The following IQCM variants were observed in gnomAD, a reference collection of about 807,000 sequenced individuals.
The protein encoded by IQCM is IQ motif containing M.
A neutral mutation model predicts 57.6 loss-of-function variants in IQCM; 45 were observed. The observed-to-expected ratio is 0.78, with a 90% confidence interval of 0.62 to 1.00. The LOEUF is 1.00. Ranked by LOEUF, IQCM falls within the 50% of genes least tolerant of loss-of-function variation. The probability of loss-of-function intolerance (pLI) is 0.00; values close to 1 mark genes in which losing one functional copy is unlikely to be tolerated. For missense variants in IQCM, 468 were observed against 511.6 expected (o/e 0.91, Z 0.82); for synonymous variants, 148 against 158.9 (o/e 0.93, Z 0.51).
intron 9 of IQCM, among the ~76,000 whole-genome samples, chr4:149,577,415 G>A (rs1751761452): frequency 6.6e-6 from 1 of 151,806 alleles, no homozygotes; most frequent in African/African-American, 2.4e-5. Flanking sequence ...TGTATATAAT[G>A]AAAGGAATGA....
chr4:149,815,119 T>C (rs1774929810), intron 2 of IQCM, among the ~76,000 whole-genome samples, 192 bp downstream of exon 2: 1 of 151,964 alleles, frequency 6.6e-6, no homozygotes, highest in South Asian at 2.1e-4. Flanking sequence ...TATATTTAAT[T>C]TGGCAAAATC....
chr4:149,441,385 C>G (rs1204007669), intron 12 of IQCM, among the ~76,000 whole-genome samples: 1 of 152,034 alleles, frequency 6.6e-6, no homozygotes, highest in African/African-American at 2.4e-5. Flanking sequence ...TAAGCAATTC[C>G]TATTCAAAAT....
intron 13 of IQCM, among the ~76,000 whole-genome samples, chr4:149,428,147 G>A (rs1424786132): frequency 6.6e-6 from 1 of 151,598 alleles, no homozygotes; most frequent in Non-Finnish European, 1.5e-5. Context: ...TCAAAATTAA[G>A]CTTAGTTTTT....
intron 12 of IQCM, among the ~76,000 whole-genome samples, chr4:149,470,069 C>T (rs1407066060): frequency 8.5e-5 from 13 of 152,068 alleles, no homozygotes; most frequent in South Asian, 6.2e-4. Flanking sequence ...CATCAACTAA[C>T]GAGCAAAATA....
intron 13 of IQCM, among the ~76,000 whole-genome samples, chr4:149,368,955 TAC>T (rs1730126788): frequency 1.2e-5 from 1 of 84,478 alleles, no homozygotes; most frequent in South Asian, 3.3e-4. Flanking sequence ...TGTATATATA[TAC>T]ACGTGTATAT....
At chr4:149,561,748 T>C (rs2149932688) in intron 10 of IQCM, among the ~76,000 whole-genome samples, 1 of 152,292 alleles carries the variant, frequency 6.6e-6, no homozygotes, top group East Asian at 1.9e-4. Flanking sequence ...TCTGTGGTGC[T>C]ATGAATAGAA....
intron 12 of IQCM, among the ~76,000 whole-genome samples, chr4:149,505,971 T>G (rs1743772929): frequency 6.6e-6 from 1 of 152,238 alleles, no homozygotes; most frequent in Admixed American, 6.5e-5. Flanking sequence ...CTGGATACAT[T>G]TTTACAAGGC....
intron 8 of IQCM, among the ~76,000 whole-genome samples, chr4:149,602,174 A>T (rs1190328463): frequency 2.0e-5 from 3 of 152,174 alleles, no homozygotes; most frequent in Non-Finnish European, 4.4e-5. Context: ...ATTATGTATT[A>T]TAAGTAAGCT....
chr4:149,437,018 A>G (rs977694127), intron 12 of IQCM, among the ~76,000 whole-genome samples: 4 of 152,102 alleles, frequency 2.6e-5, no homozygotes, highest in Non-Finnish European at 4.4e-5. Context: ...ATCACAGCTC[A>G]AGATACTGAA....
At chr4:149,526,247 A>G (rs1746145561) in intron 12 of IQCM, among the ~76,000 whole-genome samples, 2 of 151,980 alleles carry the variant, frequency 1.3e-5, no homozygotes, top group Admixed American at 6.6e-5. Context: ...ACTATAAACA[A>G]AGTAAATTCT....
rs1041860002 is a variant in IQCM at position 149,560,527 on chromosome 4, G to T, written c.948+3165C>A. On this transcript the variant is annotated intron_variant, in intron 10 of 13. Transcript: ENST00000636793. Reference sequence around the variant, plus strand: ...CATCGAGGGACATACCCTGTTTTGTGTCTTTATAATTTTTAATATCATTAT... The same window carrying T: ...CATCGAGGGACATACCCTGTTTTGTTTCTTTATAATTTTTAATATCATTAT... Among the ~76,000 whole-genome samples, 3 of 152,188 alleles carry T rather than the reference G, an allele frequency of 2.0e-5. No homozygotes were observed. The East Asian group carries it at 5.8e-4, about 29-fold the overall frequency.
intron 7 of IQCM, among the ~76,000 whole-genome samples, chr4:149,641,018 T>C (rs1166982009): frequency 6.6e-6 from 1 of 152,116 alleles, no homozygotes; most frequent in Admixed American, 6.5e-5. Flanking sequence ...TAGTCCCAGA[T>C]ACTCAGGAGG....
At chr4:149,715,617 C>T (rs1391456896) in intron 5 of IQCM, among the ~76,000 whole-genome samples, 2 of 152,166 alleles carry the variant, frequency 1.3e-5, no homozygotes, top group African/African-American at 2.4e-5. Flanking sequence ...TGTTACAGCT[C>T]TTTCAGTCCT....
intron 13 of IQCM, among the ~76,000 whole-genome samples, chr4:149,363,350 G>A (rs144685644): frequency 1.2e-3 from 178 of 152,182 alleles, no homozygotes; most frequent in Middle Eastern, 3.4e-3. Flanking sequence ...AAGTAGGGTG[G>A]GTCCAGGAAT....
At chr4:149,489,974 T>A (rs187649220) in intron 12 of IQCM, among the ~76,000 whole-genome samples, 1 of 152,002 alleles carries the variant, frequency 6.6e-6, no homozygotes, top group East Asian at 1.9e-4. Flanking sequence ...TCAATATTTG[T>A]GCTTTAAAAA....
intron 12 of IQCM, among the ~76,000 whole-genome samples, chr4:149,473,650 A>C (rs1285306618): frequency 3.9e-5 from 6 of 152,250 alleles, no homozygotes; most frequent in African/African-American, 1.4e-4. Flanking sequence ...ATTATAAATC[A>C]TGCTGCTATA....
intron 12 of IQCM, among the ~76,000 whole-genome samples, chr4:149,451,203 G>A (rs1737082981): frequency 6.6e-6 from 1 of 151,660 alleles, no homozygotes; most frequent in Non-Finnish European, 1.5e-5. Flanking sequence ...GAAGGGAAGG[G>A]TCAGGGGAGA....
intron 8 of IQCM, among the ~76,000 whole-genome samples, chr4:149,600,015 C>A (rs1754131575): frequency 6.6e-6 from 1 of 151,994 alleles, no homozygotes; most frequent in African/African-American, 2.4e-5. Context: ...TGATTCCCAC[C>A]TTTGGATTTT....
chr4:149,755,926 C>G (rs1211612872), intron 2 of IQCM, among the ~76,000 whole-genome samples: 1 of 152,134 alleles, frequency 6.6e-6, no homozygotes, highest in Non-Finnish European at 1.5e-5. Flanking sequence ...GGAGGTGACT[C>G]TAGGACACCA....
Sources: gnomAD v4.1 joint callset for allele counts (sites outside exome capture counted in the v4.1 genomes callset) on GRCh38, gnomAD v4.1.1 for gene constraint, MANE v1.5 for transcripts, NCBI Gene and HGNC (gene_info 2026-07-23, HGNC 2026-07-21) for gene names.